Variants in DLEU7 observed in about 807,000 individuals in gnomAD.
The protein encoded by DLEU7 is leukemia-associated protein 7.
A neutral mutation model predicts 16.0 loss-of-function variants in DLEU7; 17 were observed. That is an observed-to-expected ratio of 1.06 (90% CI 0.73 to 1.59). DLEU7 has a LOEUF of 1.59. Ranked by LOEUF, DLEU7 falls within the 40% of genes most tolerant of loss-of-function variation. DLEU7 has a pLI of 0.00. For synonymous variants in DLEU7, 113 were observed against 139.8 expected, an observed-to-expected ratio of 0.81 and a Z score of 1.35; for missense variants, 308 against 314.9, an observed-to-expected ratio of 0.98 and a Z score of 0.17.
intron 1 of DLEU7, among the ~76,000 whole-genome samples, chr13:50,748,451 C>T (rs1874465940): frequency 6.6e-6 from 1 of 152,026 alleles, no homozygotes; most frequent in African/African-American, 2.4e-5. Flanking sequence ...TTTGACTCTA[C>T]TAGAGAGGAA....
intron 1 of DLEU7, among the ~76,000 whole-genome samples, chr13:50,790,420 C>T (rs879212333): frequency 2.6e-5 from 4 of 152,044 alleles, no homozygotes; most frequent in Non-Finnish European, 5.9e-5. Context: ...CTTTGAGGTG[C>T]CCTCTCAGGC....
intron 1 of DLEU7, among the ~76,000 whole-genome samples, chr13:50,756,504 C>T (rs536070621): frequency 1.2e-3 from 181 of 152,220 alleles, no homozygotes; most frequent in African/African-American, 3.9e-3. Context: ...GGGGGAAAGC[C>T]GACAGTCACA....
At chr13:50,773,280 A>G (rs1261052163) in intron 1 of DLEU7, among the ~76,000 whole-genome samples, 1 of 152,188 alleles carries the variant, frequency 6.6e-6, no homozygotes, top group Non-Finnish European at 1.5e-5. Flanking sequence ...TAACCCATCA[A>G]AGTCATTCTC....
downstream of DLEU7, chr13:50,711,282 A>G (rs146602539): frequency 1.3e-5 from 2 of 152,354 alleles, no homozygotes; most frequent in East Asian, 3.9e-4. Context: ...AAGTCAAAGA[A>G]CTCAGCTTTG....
At chr13:50,765,565 A>G (rs1201206620) in intron 1 of DLEU7, among the ~76,000 whole-genome samples, 2 of 152,056 alleles carry the variant, frequency 1.3e-5, no homozygotes, top group Admixed American at 1.3e-4. Flanking sequence ...TGGGGGAGAG[A>G]AGAGTAAAAG....
At chr13:50,784,288 G>A (rs1046208585) in intron 1 of DLEU7, among the ~76,000 whole-genome samples, 1 of 152,168 alleles carries the variant, frequency 6.6e-6, no homozygotes, top group Non-Finnish European at 1.5e-5. Flanking sequence ...CTACAGACCA[G>A]GTATTTTTCA....
At chr13:50,822,058 G>GCA (rs144274511), downstream of DLEU7, among the ~76,000 whole-genome samples, 678 of 149,854 alleles carry the variant, frequency 4.5e-3, 7 homozygotes, top group African/African-American at 0.014. Context: ...ACACATGAGC[G>GCA]CACACACACA....
intron 1 of DLEU7, among the ~76,000 whole-genome samples, chr13:50,737,046 A>G (rs754322871): frequency 1.1e-4 from 17 of 152,130 alleles, no homozygotes; most frequent in Non-Finnish European, 2.4e-4. Flanking sequence ...CCAACATTTA[A>G]TGAGTTTGTG....
chr13:50,762,359 T>C (rs1420612957), intron 1 of DLEU7, among the ~76,000 whole-genome samples: 2 of 152,160 alleles, frequency 1.3e-5, no homozygotes, highest in East Asian at 3.9e-4. Flanking sequence ...ACTGCATGAA[T>C]TAATGCCTAC....
At chr13:50,830,277 G>T (rs967867394) in intron 1 of DLEU7, among the ~76,000 whole-genome samples, 1 of 152,240 alleles carries the variant, frequency 6.6e-6, no homozygotes, top group African/African-American at 2.4e-5. Context: ...ATCTATTGGG[G>T]TAATGGCCTT....
At chr13:50,833,186 A>G (rs1877335593) in intron 1 of DLEU7, among the ~76,000 whole-genome samples, 1 of 152,216 alleles carries the variant, frequency 6.6e-6, no homozygotes, top group African/African-American at 2.4e-5. Context: ...TAGTATTGGA[A>G]GTTCTGGCCA....
Position 50,843,461 on chromosome 13 carries a change from C to A in DLEU7, c.186G>T (p.Gly62=), listed in dbSNP as rs1273455529. ...CCCCGCCCCGCTCCTCGCGCCCGGG[C>A]CCCGGCCGGGCCCGCGGCGGGCCTG... is the stretch of plus-strand genomic sequence containing the variant. The part of the protein sequence containing the change: ...RRSGPPRARP[G]PGREERGGGV... The change falls in exon 1 of 2, where the codon GGG becomes GGT. Residue 62 remains glycine, a synonymous_variant. Coordinates refer to ENST00000504404, the MANE Select transcript of DLEU7 (RefSeq NM_001306135.2). The surrounding 1 kb of genome is among the most constrained non-coding windows in gnomAD (Gnocchi z 5.7). 17 of 1,325,738 alleles carry A rather than the reference C, an allele frequency of 1.3e-5. No homozygotes were observed. The highest frequency in any genetic ancestry group is 1.6e-5 in the Non-Finnish European group (17 of 1,045,438). 82.1% of individuals were successfully genotyped at this position (1,325,738 alleles called of 1,614,324 possible). A position where few individuals can be genotyped will look rare whatever the true frequency, so the allele number is the denominator to read the frequency against.
chr13:50,774,579 A>G (rs1183059498), intron 1 of DLEU7, among the ~76,000 whole-genome samples: 1 of 152,136 alleles, frequency 6.6e-6, no homozygotes, highest in African/African-American at 2.4e-5. Context: ...TTATATTTTT[A>G]GTTGCACTTA....
chr13:50,750,999 T>A (rs998569869), intron 1 of DLEU7, among the ~76,000 whole-genome samples: 1 of 152,204 alleles, frequency 6.6e-6, no homozygotes, highest in Non-Finnish European at 1.5e-5. Flanking sequence ...AGAGTGGGCA[T>A]CCTACTCTTG....
chr13:50,783,837 C>T (rs1409871874), intron 1 of DLEU7, among the ~76,000 whole-genome samples: 1 of 152,184 alleles, frequency 6.6e-6, no homozygotes, highest in Non-Finnish European at 1.5e-5. Flanking sequence ...AGTCCCTGAT[C>T]CCTGCCATAG....
chr13:50,838,582 A>T (rs967086282), intron 1 of DLEU7, among the ~76,000 whole-genome samples: 15 of 152,174 alleles, frequency 9.9e-5, no homozygotes, highest in African/African-American at 3.6e-4. Flanking sequence ...TGCTAGTATT[A>T]CTAGTTTGAT....
intron 1 of DLEU7, among the ~76,000 whole-genome samples, chr13:50,793,863 C>G (rs1440965629): frequency 6.6e-6 from 1 of 152,176 alleles, no homozygotes; most frequent in South Asian, 2.1e-4. Context: ...TAATTTGGAC[C>G]CATTTGTCAA....
chr13:50,794,081 T>G (rs1050883680), intron 1 of DLEU7, among the ~76,000 whole-genome samples: 1 of 152,146 alleles, frequency 6.6e-6, no homozygotes, highest in African/African-American at 2.4e-5. Context: ...ATAGACATGG[T>G]TTAGTTTTTA....
At chr13:50,764,025 C>T (rs940291315) in intron 1 of DLEU7, among the ~76,000 whole-genome samples, 2 of 152,162 alleles carry the variant, frequency 1.3e-5, no homozygotes, top group South Asian at 2.1e-4. Context: ...TTTATAGTCC[C>T]GCACTGCATT....
Sources: gnomAD v4.1 joint callset for allele counts (sites outside exome capture counted in the v4.1 genomes callset) on GRCh38, gnomAD v4.1.1 for gene constraint, Gnocchi (gnomAD v3.1) non-coding constraint, MANE v1.5 for transcripts, NCBI Gene and HGNC (gene_info 2026-07-23, HGNC 2026-07-21) for gene names.